ZNF14: variants seen among roughly 807,000 people sequenced by gnomAD.
ZNF14 encodes the protein zinc finger protein 14.
In ZNF14, 9 loss-of-function variants were observed where a neutral mutation model predicts 11.3. The observed-to-expected ratio is 0.80, with a 90% CI of 0.48 to 1.39. The LOEUF is 1.39. ZNF14 is among the 40% of genes most tolerant of loss of function. The pLI is 0.00. For missense variants in ZNF14, 711 were observed against 763.9 expected (o/e 0.93, Z 0.82); for synonymous variants, 239 against 245.7 (o/e 0.97, Z 0.25).
Position 19,712,781 on chromosome 19 carries a change from T to C in ZNF14, c.500A>G (p.Lys167Arg). The change falls in exon 4 of 4, where the codon AAG becomes AGG. Residue 167 changes from lysine (K) to arginine (R), a missense_variant. Coordinates refer to ENST00000344099, the MANE Select transcript of ZNF14 (RefSeq NM_021030.3). ...RKHERTHTGV[K>R]PYECKQCGKA... Reference sequence around the variant, plus strand: ...CCCACACTGTTTACATTCATAGGGCTTCACTCCAGTGTGAGTTCTTTCATG... The same window carrying C: ...CCCACACTGTTTACATTCATAGGGCCTCACTCCAGTGTGAGTTCTTTCATG... 6.2e-7 allele frequency: 1 copy of C among 1,614,180 alleles called. No homozygotes were observed. Among genetic ancestry groups the C allele is most frequent in the Non-Finnish European group, 8.5e-7 (1 of 1,180,014 alleles).
At chr19:19,717,289 T>C (rs191884644) in intron 1 of ZNF14, among the ~76,000 whole-genome samples, 4 of 152,230 alleles carry the variant, frequency 2.6e-5, no homozygotes, top group African/African-American at 9.6e-5. Context: ...TTACAAAACA[T>C]ACAACTCAGG....
intron 3 of ZNF14, among the ~76,000 whole-genome samples, chr19:19,713,748 C>CTTTTTT (rs71172526): frequency 3.1e-4 from 37 of 120,194 alleles, no homozygotes; most frequent in South Asian, 5.7e-4. Context: ...TGTGCCAGGC[C>CTTTTTT]TTTTTTTTTT....
intron 1 of ZNF14, among the ~76,000 whole-genome samples, chr19:19,728,992 G>A (rs10420120): frequency 1.9e-4 from 29 of 152,178 alleles, no homozygotes; most frequent in Non-Finnish European, 3.2e-4. Context: ...TTTTCCCCCC[G>A]ACAAGACGGA....
chr19:19,714,714 T>TTTTTC (rs67176706), intron 1 of ZNF14, among the ~76,000 whole-genome samples: 33 of 42,400 alleles, frequency 7.8e-4, no homozygotes, highest in South Asian at 2.6e-3. Flanking sequence ...TTTCTTTTTC[T>TTTTTC]TTTTTTTTTT....
intron 1 of ZNF14, among the ~76,000 whole-genome samples, chr19:19,723,154 C>G (rs992152733): frequency 6.6e-6 from 1 of 152,128 alleles, no homozygotes; most frequent in Non-Finnish European, 1.5e-5. Context: ...CTGTCTTGTG[C>G]CAGTTTTCAA....
chr19:19,716,825 A>T (rs2062379112), intron 1 of ZNF14, among the ~76,000 whole-genome samples: 1 of 152,180 alleles, frequency 6.6e-6, no homozygotes, highest in South Asian at 2.1e-4. Flanking sequence ...GTTTTGTAAT[A>T]TTCCCAGAAC....
chr19:19,716,374 C>T (rs1221778311), intron 1 of ZNF14, among the ~76,000 whole-genome samples: 2 of 152,130 alleles, frequency 1.3e-5, no homozygotes, highest in Non-Finnish European at 2.9e-5. Flanking sequence ...CTGCAACCTT[C>T]GCCTCCCAGG....
In ZNF14 at chr19:19,710,980, C is replaced by T. The variant is rs937645272; in HGVS notation, c.*372G>A. The T allele has an allele frequency of 2.2e-5, 4 of 180,730 alleles. No homozygotes were observed. Among genetic ancestry groups the T allele is most frequent in the Admixed American group, 1.6e-4 (3 of 18,438 alleles). The allele number at this position is 180,730 out of a possible 1,614,324, so 11.2% of individuals were successfully genotyped here. The stretch of plus-strand genomic sequence containing the variant: ...AGATGGGGTTACACCATGTTGACCA[C>T]GCTGGTCTCGAATTTCTGACCTCAA... On this transcript the variant is annotated 3_prime_UTR_variant, in exon 4 of 4. Coordinates refer to ENST00000344099, the MANE Select transcript of ZNF14 (RefSeq NM_021030.3).
intron 1 of ZNF14, among the ~76,000 whole-genome samples, chr19:19,729,946 C>G (rs1397599460): frequency 6.6e-6 from 1 of 152,196 alleles, no homozygotes; most frequent in South Asian, 2.1e-4. Flanking sequence ...ACAGACACAG[C>G]ACCATTCAGA....
intron 1 of ZNF14, among the ~76,000 whole-genome samples, chr19:19,729,640 A>T (rs1438910285): frequency 6.6e-6 from 1 of 152,102 alleles, no homozygotes; most frequent in African/African-American, 2.4e-5. Context: ...TCTGAAACAC[A>T]TGCTAAAACA....
rs1240459707 is a variant in ZNF14 at position 19,713,085 on chromosome 19, G to A, written c.196C>T (p.His66Tyr). Residue 66 changes from histidine to tyrosine, a missense_variant, in exon 4 of 4, where the codon CAT becomes TAT. Coordinates refer to ENST00000344099, the MANE Select transcript of ZNF14 (RefSeq NM_021030.3). ...CTTTCACAGAGTCTCTCAACCATAT[G>A]ACATCTGTAAAAAATGAATAGCACA... ...HRNQGKNRRCHMVERLCESRR... is the reference protein window; with the variant it reads ...HRNQGKNRRCYMVERLCESRR... 2 of 1,566,870 alleles carry A rather than the reference G, an allele frequency of 1.3e-6. No homozygotes were observed. The highest frequency in any genetic ancestry group is 1.4e-5 in the African/African-American group (1 of 72,716).
At chr19:19,717,791 T>G (rs1420933634) in intron 1 of ZNF14, among the ~76,000 whole-genome samples, 2 of 152,280 alleles carry the variant, frequency 1.3e-5, no homozygotes, top group East Asian at 3.9e-4. Context: ...ATAACATGTT[T>G]CCCTTCCACC....
At chr19:19,731,387 C>T (rs147247366) in intron 1 of ZNF14, among the ~76,000 whole-genome samples, 1 of 151,822 alleles carries the variant, frequency 6.6e-6, no homozygotes, top group Non-Finnish European at 1.5e-5. Flanking sequence ...CCAGCCTGGC[C>T]AACATGGTGA....
At chr19:19,713,439 A>G (rs933551064) in intron 3 of ZNF14, among the ~76,000 whole-genome samples, 1 of 149,278 alleles carries the variant, frequency 6.7e-6, no homozygotes, top group African/African-American at 2.5e-5. Context: ...GAGTGCCACC[A>G]TGCCTGGCTA....
In ZNF14 at chr19:19,720,495, C is replaced by T. The variant is rs1464748323; in HGVS notation, c.4-6008G>A. On this transcript the variant is annotated intron_variant, in intron 1 of 3. Transcript: ENST00000344099. The surrounding 1 kb of genome is among the most constrained non-coding windows in gnomAD (Gnocchi z 4.1). ...AACTTAAATAACAGGCGCCTGCCAC[C>T]ATGCCTGGCTAATTTTTTTGTATTT... 3.9e-5 allele frequency among the ~76,000 whole-genome samples: 6 copies of T among 152,190 alleles called. No individual in the cohort carries two copies. Among genetic ancestry groups the T allele is most frequent in the Non-Finnish European group, 4.4e-5 (3 of 68,014 alleles).
rs1248326805 is a variant in ZNF14 at position 19,712,993 on chromosome 19, A to G, written c.288T>C (p.Thr96=). 1.9e-6 allele frequency: 3 copies of G among 1,614,110 alleles called. No individual in the cohort carries two copies. Among genetic ancestry groups the G allele is most frequent in the Admixed American group, 1.7e-5 (1 of 60,014 alleles). The change falls in exon 4 of 4, where the codon ACT becomes ACC. Residue 96 remains threonine, a synonymous_variant. Coordinates refer to ENST00000344099, the MANE Select transcript of ZNF14 (RefSeq NM_021030.3). ...QMPNVNINKE[T]FTGAKPHECS... is the part of the protein sequence containing the mutation. ...ATTCATGTGGTTTTGCTCCAGTAAAAGTTTCCTTGTTGATATTAACATTTG... is the reference window on the plus strand; with the variant it reads ...ATTCATGTGGTTTTGCTCCAGTAAAGGTTTCCTTGTTGATATTAACATTTG...
At chr19:19,726,003 T>C (rs2062405399) in intron 1 of ZNF14, among the ~76,000 whole-genome samples, 1 of 134,178 alleles carries the variant, frequency 7.5e-6, no homozygotes, top group Admixed American at 7.3e-5. Flanking sequence ...GGTTTTTAGC[T>C]TCTTTGCGAT....
rs754624996 is a variant in ZNF14, at chr19:19,712,726, T to C, written c.555A>G (p.Gln185=). Residue 185 remains glutamine, a synonymous_variant, in exon 4 of 4, where the codon CAA becomes CAG. Transcript: ENST00000344099. ...GKAFIYYQPF[Q]RHERTHAGQK... The stretch of plus-strand genomic sequence containing the variant: ...GTCCAGCATGAGTCCTTTCATGTCT[T>C]TGAAATGGCTGGTAATATATAAAGG... 4 of 1,613,162 alleles carry C rather than the reference T, an allele frequency of 2.5e-6. No homozygotes were observed. Among genetic ancestry groups the C allele is most frequent in the African/African-American group, 1.3e-5 (1 of 74,834 alleles).
At chr19:19,722,350 G>A (rs1213926737) in intron 1 of ZNF14, among the ~76,000 whole-genome samples, 1 of 152,052 alleles carries the variant, frequency 6.6e-6, no homozygotes, top group Non-Finnish European at 1.5e-5. Context: ...CCCATTTCTT[G>A]TTTTTGTCAG....
Sources: gnomAD v4.1 joint callset for allele counts (sites outside exome capture counted in the v4.1 genomes callset) on GRCh38, gnomAD v4.1.1 for gene constraint, Gnocchi (gnomAD v3.1) non-coding constraint, MANE v1.5 for transcripts, NCBI Gene and HGNC (gene_info 2026-07-23, HGNC 2026-07-21) for gene names.